Variants in ELOVL7 observed in about 807,000 individuals in gnomAD.
ELOVL7 encodes the protein ELOVL fatty acid elongase 7, also known as very long chain fatty acid elongase 7.
Under a neutral mutation model 35.7 loss-of-function variants are expected in ELOVL7, and 27 were observed. The ratio of observed to expected loss-of-function variants is 0.76; its 90% CI spans 0.56 to 1.04. ELOVL7 has a LOEUF of 1.04. Ranked by LOEUF, ELOVL7 falls within the 50% of genes least tolerant of loss-of-function variation. The pLI, the probability that ELOVL7 is intolerant of heterozygous loss-of-function variation, is 0.00. For missense variants in ELOVL7, 327 were observed against 340.8 expected (o/e 0.96, Z 0.32); for synonymous variants, 113 against 114.6 (o/e 0.99, Z 0.09).
chr5:60,804,338 C>A (rs545307166), intron 1 of ELOVL7, among the ~76,000 whole-genome samples: 3 of 152,096 alleles, frequency 2.0e-5, no homozygotes, highest in Non-Finnish European at 4.4e-5. Context: ...ATTGGAGAGA[C>A]AGGGCAAACT....
At chr5:60,788,918 T>TA (rs1475539607) in intron 2 of ELOVL7, among the ~76,000 whole-genome samples, 1 of 152,084 alleles carries the variant, frequency 6.6e-6, no homozygotes, top group Non-Finnish European at 1.5e-5. Flanking sequence ...ATGATAAAGG[T>TA]GGCATCTCCA....
chr5:60,841,968 T>G (rs924696297), intron 1 of ELOVL7, among the ~76,000 whole-genome samples: 4 of 152,220 alleles, frequency 2.6e-5, no homozygotes, highest in Admixed American at 2.0e-4. Flanking sequence ...CTGTAAAACC[T>G]GGCTTAAAAA....
chr5:60,824,373 G>A (rs961497413), intron 1 of ELOVL7, among the ~76,000 whole-genome samples: 21 of 152,180 alleles, frequency 1.4e-4, no homozygotes, highest in Non-Finnish European at 2.6e-4. Context: ...CAGGAGTAAC[G>A]ATGGAGAAAC....
chr5:60,809,876 A>G (rs1745147521), intron 1 of ELOVL7, among the ~76,000 whole-genome samples: 1 of 152,214 alleles, frequency 6.6e-6, no homozygotes, highest in African/African-American at 2.4e-5. Flanking sequence ...AACTCCATAC[A>G]CTGGTGAACA....
intron 1 of ELOVL7, among the ~76,000 whole-genome samples, chr5:60,834,940 C>T (rs1293090841): frequency 6.6e-6 from 1 of 151,752 alleles, no homozygotes; most frequent in African/African-American, 2.4e-5. Flanking sequence ...CCTGTAATTC[C>T]AGCACTTTGG....
intron 1 of ELOVL7, among the ~76,000 whole-genome samples, chr5:60,819,163 T>C (rs1745741428): frequency 1.4e-5 from 2 of 146,006 alleles, no homozygotes; most frequent in African/African-American, 5.1e-5. Flanking sequence ...TAGACCTCAA[T>C]ATACTAAAAA....
chr5:60,792,397 G>C (rs1244341298), intron 2 of ELOVL7, among the ~76,000 whole-genome samples: 1 of 152,214 alleles, frequency 6.6e-6, no homozygotes, highest in South Asian at 2.1e-4. Flanking sequence ...TATGAGCTGA[G>C]AGTGATGGAC....
chr5:60,818,618 G>A (rs1396264358), intron 1 of ELOVL7, among the ~76,000 whole-genome samples: 3 of 152,080 alleles, frequency 2.0e-5, no homozygotes, highest in Admixed American at 6.5e-5. Context: ...ACTTGGTACG[G>A]GGCTTGAAGC....
intron 3 of ELOVL7, among the ~76,000 whole-genome samples, chr5:60,786,908 G>A (rs55683514): frequency 0.016 from 2,431 of 151,370 alleles, 69 homozygotes; most frequent in African/African-American, 0.056. Flanking sequence ...GCAGTGAGCC[G>A]AGATTGCACC....
At chr5:60,770,321 G>C (rs1442726960) in intron 4 of ELOVL7, among the ~76,000 whole-genome samples, 1 of 152,126 alleles carries the variant, frequency 6.6e-6, no homozygotes, top group African/African-American at 2.4e-5. Flanking sequence ...TAGACCCTAA[G>C]AATATGAGAG....
intron 3 of ELOVL7, among the ~76,000 whole-genome samples, chr5:60,778,331 A>C (rs1743034670): frequency 6.6e-6 from 1 of 152,180 alleles, no homozygotes; most frequent in South Asian, 2.1e-4. Flanking sequence ...GGGTAGTGCA[A>C]ACCTTAAATA....
chr5:60,782,576 A>T (rs1450233720), intron 3 of ELOVL7, among the ~76,000 whole-genome samples: 1 of 152,198 alleles, frequency 6.6e-6, no homozygotes, highest in Non-Finnish European at 1.5e-5. Flanking sequence ...TGAATTACAG[A>T]CCTGTAGACA....
chr5:60,824,554 A>G (rs1561469543), intron 1 of ELOVL7, among the ~76,000 whole-genome samples: 2 of 152,228 alleles, frequency 1.3e-5, no homozygotes, highest in Non-Finnish European at 2.9e-5. Context: ...GGCAATGGAT[A>G]GATAGGGGAA....
intron 3 of ELOVL7, among the ~76,000 whole-genome samples, chr5:60,779,123 C>T (rs1002183086): frequency 1.3e-5 from 2 of 152,226 alleles, no homozygotes; most frequent in South Asian, 2.1e-4. Flanking sequence ...GCCTCTGTGG[C>T]TTTGCAGGGT....
Position 60,754,635 on chromosome 5 carries a change from T to C in ELOVL7, c.835A>G (p.Lys279Glu), listed in dbSNP as rs1741421986. The stretch of plus-strand genomic sequence containing the variant: ...ACTTATGTTGGGCTTCAATTATCTT[T>C]GTTTTTGCAAGTTCCATTTTTCACA... ...KTVKNGTCKN[K>E]DN The change falls in exon 9 of 9, where the codon AAA (lysine) becomes GAA (glutamate). Residue 279 changes from lysine (K) to glutamate (E), a missense_variant. By Grantham distance (56) the Lys-to-Glu change is moderately conservative (BLOSUM62 1). Transcript: ENST00000508821. 2 of 1,614,026 alleles carry C rather than the reference T, an allele frequency of 1.2e-6. No homozygotes were observed. Among genetic ancestry groups the C allele is most frequent in the Non-Finnish European group, 1.7e-6 (2 of 1,179,986 alleles).
intron 2 of ELOVL7, among the ~76,000 whole-genome samples, chr5:60,792,071 G>A (rs1743972586): frequency 6.6e-6 from 1 of 152,232 alleles, no homozygotes; most frequent in African/African-American, 2.4e-5. Flanking sequence ...ATACAAGACT[G>A]AGACGAAGGA....
rs2112103779 is a variant in ELOVL7 at position 60,752,972 on chromosome 5, A to G, written c.*1652T>C. On this transcript the variant is annotated 3_prime_UTR_variant, in exon 9 of 9. Transcript: ENST00000508821. ...AAAAAAAATAATAAATTATATATAT[A>G]TATGTAATTACTCCCATTTATCAAC... 6.6e-6 allele frequency: 1 copy of G among 152,018 alleles called. No homozygotes were observed. Among genetic ancestry groups the G allele is most frequent in the East Asian group, 1.9e-4 (1 of 5,186 alleles). 9.4% of individuals were successfully genotyped at this position (152,018 alleles called of 1,614,324 possible).
intron 3 of ELOVL7, among the ~76,000 whole-genome samples, chr5:60,775,784 G>A (rs114555996): frequency 0.026 from 3,912 of 152,208 alleles, 82 homozygotes; most frequent in Non-Finnish European, 0.044. Flanking sequence ...ATATGCAGAA[G>A]ACTGAAACTG....
chr5:60,823,134 T>A (rs3936423), intron 1 of ELOVL7, among the ~76,000 whole-genome samples: 87,457 of 143,982 alleles, frequency 0.61, 25,865 homozygotes, highest in East Asian at 0.9. Flanking sequence ...AGTGAGGGGA[T>A]GAAGTAATAG....
Sources: allele counts gnomAD v4.1 joint callset (sites outside exome capture counted in the v4.1 genomes callset), GRCh38; gene constraint gnomAD v4.1.1; transcripts MANE v1.5; gene names NCBI Gene and HGNC (gene_info 2026-07-23, HGNC 2026-07-21).